AIM2: variants seen among roughly 807,000 people sequenced by gnomAD.
AIM2 encodes the protein interferon-inducible protein AIM2.
In AIM2, 30 loss-of-function variants were observed where a neutral mutation model predicts 27.7. That is an observed-to-expected ratio of 1.08 (90% CI 0.81 to 1.47). The LOEUF is 1.47. AIM2 is among the 40% of genes most tolerant of loss of function. AIM2 has a pLI of 0.00. For missense variants in AIM2, 358 were observed against 411.3 expected (o/e 0.87, Z 1.12); for synonymous variants, 141 against 145.3 (o/e 0.97, Z 0.21).
intron 4 of AIM2, among the ~76,000 whole-genome samples, 185 bp downstream of exon 4, chr1:159,065,725 A>G (rs546341959): frequency 6.6e-6 from 1 of 152,366 alleles, no homozygotes; most frequent in East Asian, 1.9e-4. Flanking sequence ...ATTTTTGACA[A>G]TAAAAACAAT....
chr1:159,107,286 C>A (rs1357293414), intron 1 of AIM2, among the ~76,000 whole-genome samples: 1 of 151,542 alleles, frequency 6.6e-6, no homozygotes, highest in Non-Finnish European at 1.5e-5. Flanking sequence ...CTCCTTAAAT[C>A]AACAGATGTA....
At chr1:159,099,171 T>G (rs773412271) in intron 1 of AIM2, among the ~76,000 whole-genome samples, 5 of 152,014 alleles carry the variant, frequency 3.3e-5, no homozygotes, top group Non-Finnish European at 7.4e-5. Context: ...GAAAAGGCAG[T>G]GAAGACAGGT....
chr1:159,123,694 T>A (rs1359274296), intron 1 of AIM2: 4 of 152,194 alleles, frequency 2.6e-5, no homozygotes, highest in Non-Finnish European at 5.9e-5. Flanking sequence ...TTCCCACCCA[T>A]CCACCAATCC....
intron 1 of AIM2, among the ~76,000 whole-genome samples, chr1:159,105,564 T>C (rs1419762189): frequency 6.6e-6 from 1 of 152,078 alleles, no homozygotes; most frequent in African/African-American, 2.4e-5. Flanking sequence ...TAACGGAACA[T>C]CTTTTGGGAG....
chr1:159,146,563 A>C (rs1318607275), intron 1 of AIM2, among the ~76,000 whole-genome samples: 1 of 152,120 alleles, frequency 6.6e-6, no homozygotes, highest in Non-Finnish European at 1.5e-5. Context: ...ACTTTCTGCA[A>C]CTGGCATTCC....
At chr1:159,119,325 C>G (rs1426652552) in intron 1 of AIM2, among the ~76,000 whole-genome samples, 2 of 152,028 alleles carry the variant, frequency 1.3e-5, no homozygotes, top group African/African-American at 4.8e-5. Context: ...TACTAATTTT[C>G]AGAGTAAGGA....
chr1:159,116,956 T>A (rs1647369869), intron 1 of AIM2, among the ~76,000 whole-genome samples: 1 of 151,814 alleles, frequency 6.6e-6, no homozygotes, highest in Non-Finnish European at 1.5e-5. Flanking sequence ...TTAAGCTGCA[T>A]AAAGAGAAAG....
intron 1 of AIM2, among the ~76,000 whole-genome samples, chr1:159,100,327 T>C (rs1414524318): frequency 2.6e-5 from 4 of 152,206 alleles, no homozygotes; most frequent in Non-Finnish European, 1.5e-5. Context: ...TGGGAAATGA[T>C]TTTTTTAAGT....
At chr1:159,115,525 T>A (rs1468664823) in intron 1 of AIM2, among the ~76,000 whole-genome samples, 1 of 152,060 alleles carries the variant, frequency 6.6e-6, no homozygotes, top group Non-Finnish European at 1.5e-5. Context: ...TCAGGAATAA[T>A]GCCGCATATC....
At chr1:159,085,700 C>T (rs944511772) in intron 1 of AIM2, among the ~76,000 whole-genome samples, 9 of 152,152 alleles carry the variant, frequency 5.9e-5, no homozygotes, top group African/African-American at 2.2e-4. Flanking sequence ...AGGGGGCAGG[C>T]CTCCAAGCCA....
chr1:159,128,260 TACACACACACAC>T (rs35254795), intron 1 of AIM2, among the ~76,000 whole-genome samples: 3 of 147,748 alleles, frequency 2.0e-5, no homozygotes, highest in South Asian at 2.2e-4. Context: ...TGCCAAGGCT[TACACACACACAC>T]ACACACACAC....
At chr1:159,120,203 A>G (rs931949017) in intron 1 of AIM2, among the ~76,000 whole-genome samples, 2 of 152,178 alleles carry the variant, frequency 1.3e-5, no homozygotes, top group Admixed American at 1.3e-4. Flanking sequence ...TATCAAGAAT[A>G]AAACTACTGG....
intron 3 of AIM2, 104 bp downstream of exon 3, chr1:159,068,464 C>T (rs1329474348): frequency 6.2e-6 from 9 of 1,442,858 alleles, no homozygotes; most frequent in Non-Finnish European, 8.3e-6. Flanking sequence ...CCTTGCTTCC[C>T]TTATTTGCAT....
chr1:159,121,990 T>A (rs1056498223), intron 1 of AIM2, among the ~76,000 whole-genome samples: 8 of 152,174 alleles, frequency 5.3e-5, no homozygotes, highest in Non-Finnish European at 1.0e-4. Context: ...TCTCTTGCTC[T>A]TTGTTGATTT....
chr1:159,134,764 G>A (rs184482878), intron 1 of AIM2, among the ~76,000 whole-genome samples: 15 of 152,246 alleles, frequency 9.9e-5, no homozygotes, highest in East Asian at 3.9e-4. Flanking sequence ...CCCGAGAGGC[G>A]GAGGTTGCAG....
At chr1:159,107,639 A>G (rs930725358) in intron 1 of AIM2, among the ~76,000 whole-genome samples, 2 of 152,226 alleles carry the variant, frequency 1.3e-5, no homozygotes, top group African/African-American at 4.8e-5. Flanking sequence ...TTGAAAAGAT[A>G]AATAAAATTG....
upstream of AIM2, chr1:159,081,673 A>T (rs2101999815): frequency 3.7e-6 from 1 of 273,764 alleles, no homozygotes. Flanking sequence ...TCCCTGGCAT[A>T]GGACTTGATC....
At chr1:159,140,397 G>A (rs1376896654) in intron 1 of AIM2, 1 of 152,174 alleles carries the variant, frequency 6.6e-6, no homozygotes, top group African/African-American at 2.4e-5. Context: ...TCTCCCTCCA[G>A]GGTCCTCCTA....
At chr1:159,130,562 C>G (rs1237878201) in intron 1 of AIM2, among the ~76,000 whole-genome samples, 1 of 152,092 alleles carries the variant, frequency 6.6e-6, no homozygotes, top group African/African-American at 2.4e-5. Flanking sequence ...CCTGGGCTCT[C>G]CTTTTCCCTT....
Sources: allele counts gnomAD v4.1 joint callset (sites outside exome capture counted in the v4.1 genomes callset), GRCh38; gene constraint gnomAD v4.1.1; transcripts MANE v1.5; gene names NCBI Gene and HGNC (gene_info 2026-07-23, HGNC 2026-07-21).